Variants in SSBP3 observed in about 807,000 individuals in gnomAD.
The protein encoded by SSBP3 is single-stranded DNA-binding protein 3.
Under a neutral mutation model 69.6 loss-of-function variants are expected in SSBP3, and 5 were observed. That is an observed-to-expected ratio of 0.07 (90% CI 0.04 to 0.15). SSBP3 has a LOEUF of 0.15. SSBP3 is among the 10% of genes least tolerant of loss of function. The probability of loss-of-function intolerance (pLI) is 1.00; values close to 1 mark genes in which losing one functional copy is unlikely to be tolerated. For synonymous variants in SSBP3, 196 were observed against 193.4 expected (o/e 1.01, Z -0.11); for missense variants, 312 against 534.0 (o/e 0.58, Z 4.10).
intron 3 of SSBP3, among the ~76,000 whole-genome samples, chr1:54,404,188 A>T (rs928753919): frequency 2.6e-5 from 4 of 152,146 alleles, no homozygotes; most frequent in African/African-American, 9.7e-5. Flanking sequence ...AGGAAGGGAC[A>T]GGCTAGTTGT....
intron 4 of SSBP3, among the ~76,000 whole-genome samples, chr1:54,312,457 G>A (rs538812142): frequency 4.2e-4 from 64 of 151,912 alleles, no homozygotes; most frequent in African/African-American, 1.4e-3. Context: ...GTGTGGTGGC[G>A]GGTGCCTGTA....
At chr1:54,228,722 G>A (rs1166293909) in intron 15 of SSBP3, 26 bp downstream of exon 15, 3 of 1,565,284 alleles carry the variant, frequency 1.9e-6, no homozygotes. Flanking sequence ...GCAGGGTGGG[G>A]CATGGCGAGG....
chr1:54,398,730 C>A (rs1257926241), intron 4 of SSBP3, among the ~76,000 whole-genome samples: 3 of 152,114 alleles, frequency 2.0e-5, no homozygotes, highest in Admixed American at 2.0e-4. Context: ...CTCCCGTGAC[C>A]CTCCTCCCAT....
exon 18 of SSBP3, chr1:54,225,461 C>CT: frequency 8.3e-7 from 1 of 1,205,456 alleles, no homozygotes; most frequent in Non-Finnish European, 1.0e-6. Context: ...TTTAATAAAA[C>CT]GTTATCAACA....
chr1:54,241,609 T>C, intron 11 of SSBP3, 100 bp from the exon 12 acceptor site: 7 of 1,325,764 alleles, frequency 5.3e-6, no homozygotes, highest in Non-Finnish European at 6.5e-6. Flanking sequence ...AGGAAAGGCA[T>C]CGCCACCCAG....
chr1:54,313,983 C>CA, intron 4 of SSBP3, among the ~76,000 whole-genome samples: 1 of 152,248 alleles, frequency 6.6e-6, no homozygotes, highest in African/African-American at 2.4e-5. Flanking sequence ...AGGCTGGTCT[C>CA]AAAGTCCTGA....
chr1:54,272,705 ACCTG>A (rs1645216987), intron 5 of SSBP3, among the ~76,000 whole-genome samples: 1 of 152,190 alleles, frequency 6.6e-6, no homozygotes, highest in Non-Finnish European at 1.5e-5. Flanking sequence ...AGAACTGCCG[ACCTG>A]CGGCAGAGCA....
At chr1:54,252,016 C>T (rs1644839089) in intron 7 of SSBP3, among the ~76,000 whole-genome samples, 156 bp from the exon 8 acceptor site, 1 of 152,206 alleles carries the variant, frequency 6.6e-6, no homozygotes, top group African/African-American at 2.4e-5. Context: ...GAGAAGGTTA[C>T]CCCGGGCCTA....
chr1:54,400,278 A>G (rs372710307), intron 4 of SSBP3, among the ~76,000 whole-genome samples: 2 of 151,964 alleles, frequency 1.3e-5, no homozygotes, highest in African/African-American at 2.4e-5. Context: ...AGAGAGTGAA[A>G]GACCCACCCA....
At chr1:54,271,744 A>G (rs951624604) in intron 5 of SSBP3, among the ~76,000 whole-genome samples, 5 of 152,192 alleles carry the variant, frequency 3.3e-5, no homozygotes, top group Non-Finnish European at 5.9e-5. Context: ...GCAAGAAACA[A>G]GAGACGGGGC....
At chr1:54,287,025 A>G (rs184307409) in intron 4 of SSBP3, 40 of 152,300 alleles carry the variant, frequency 2.6e-4, no homozygotes, top group African/African-American at 9.1e-4. Flanking sequence ...CTTTTCCTTC[A>G]AGAAGCAATG....
intron 4 of SSBP3, among the ~76,000 whole-genome samples, chr1:54,324,538 A>T (rs1320595965): frequency 6.6e-6 from 1 of 151,890 alleles, no homozygotes; most frequent in Non-Finnish European, 1.5e-5. Flanking sequence ...GAAAGCCTGG[A>T]AGGCTGCAGA....
chr1:54,340,928 T>A (rs1646596035), intron 4 of SSBP3, among the ~76,000 whole-genome samples: 1 of 152,182 alleles, frequency 6.6e-6, no homozygotes, highest in Non-Finnish European at 1.5e-5. Context: ...AGCAGGGCAG[T>A]GGAAAGAACC....
chr1:54,316,842 A>C (rs1019774460), intron 4 of SSBP3, among the ~76,000 whole-genome samples: 1 of 152,142 alleles, frequency 6.6e-6, no homozygotes, highest in African/African-American at 2.4e-5. Flanking sequence ...TCTGAGATCA[A>C]GGCACTCGCA....
intron 4 of SSBP3, among the ~76,000 whole-genome samples, chr1:54,343,560 T>A (rs551848207): frequency 2.0e-5 from 3 of 152,216 alleles, no homozygotes; most frequent in Non-Finnish European, 2.9e-5. Context: ...CTGAAGGGGA[T>A]CAGGGATGGG....
chr1:54,302,318 AT>A (rs10686460), intron 4 of SSBP3, among the ~76,000 whole-genome samples: 7,941 of 144,592 alleles, frequency 0.055, 453 homozygotes, highest in Admixed American at 0.19. Context: ...TCTGAGCATA[AT>A]TTTTTTTTTT....
chr1:54,381,660 C>T (rs1647665951), intron 4 of SSBP3, among the ~76,000 whole-genome samples: 1 of 152,198 alleles, frequency 6.6e-6, no homozygotes, highest in Admixed American at 6.5e-5. Context: ...CCACACCCAC[C>T]CACGCTGGGA....
chr1:54,385,900 C>T (rs1287234381), intron 4 of SSBP3, among the ~76,000 whole-genome samples: 1 of 152,182 alleles, frequency 6.6e-6, no homozygotes, highest in African/African-American at 2.4e-5. Context: ...TCGTTCTCTG[C>T]ACCTTGGTTC....
intron 4 of SSBP3, among the ~76,000 whole-genome samples, chr1:54,302,988 T>C (rs566774319): frequency 6.6e-6 from 1 of 152,200 alleles, no homozygotes. Flanking sequence ...GCAGGTGATC[T>C]AGCGGGGCAG....
Sources: gnomAD v4.1 joint callset for allele counts (sites outside exome capture counted in the v4.1 genomes callset) on GRCh38, gnomAD v4.1.1 for gene constraint, MANE v1.5 for transcripts, NCBI Gene and HGNC (gene_info 2026-07-23, HGNC 2026-07-21) for gene names.